Variants in TBL1XR1 observed in about 807,000 individuals in gnomAD.
TBL1XR1 encodes the protein TBL1X/Y related 1, also known as F-box-like/WD repeat-containing protein TBL1XR1.
Under a neutral mutation model 66.9 loss-of-function variants are expected in TBL1XR1, and 5 were observed. The ratio of observed to expected loss-of-function variants is 0.07; its 90% CI spans 0.04 to 0.16. The LOEUF (loss-of-function observed/expected upper bound fraction) is 0.16, where lower values mean the gene tolerates loss of function less well. Among genes scored for constraint, TBL1XR1 ranks in the 10% least tolerant of loss-of-function variants. The pLI is 1.00. For missense variants in TBL1XR1, 238 were observed against 623.2 expected (o/e 0.38, Z 6.58); for synonymous variants, 210 against 206.0 (o/e 1.02, Z -0.17).
rs375368882 is a variant in TBL1XR1 at position 177,025,450 on chromosome 3, T to C, written c.*48A>G. ...GTACATGGGTCAGGGACAGTCATTT[T>C]GGCTATGTACACATTCATAGTCGGT... On this transcript the variant is annotated 3_prime_UTR_variant, in exon 16 of 16. Coordinates refer to ENST00000457928, the MANE Select transcript of TBL1XR1 (RefSeq NM_024665.7). The C allele has an allele frequency of 4.4e-6, 7 of 1,604,890 alleles. No individual in the cohort carries two copies. Among genetic ancestry groups the C allele is most frequent in the African/African-American group, 1.3e-5 (1 of 74,742 alleles).
At chr3:177,079,502 T>C (rs1721134115) in intron 2 of TBL1XR1, 1 of 151,912 alleles carries the variant, frequency 6.6e-6, no homozygotes, top group African/African-American at 2.4e-5. Context: ...TGGACTTATT[T>C]GTAATTTTTT....
intron 7 of TBL1XR1, 26 bp from the exon 8 acceptor site, chr3:177,047,575 T>C: frequency 1.3e-6 from 2 of 1,597,026 alleles, no homozygotes; most frequent in Non-Finnish European, 1.7e-6. Flanking sequence ...ATTTCTTTAA[T>C]TATATAATCT....
At position 177,118,667 on chromosome 3, in the gene TBL1XR1, G is replaced by A. The variant is rs1726604311; in HGVS notation, c.-121-20126C>T. On this transcript the variant is annotated intron_variant, in intron 1 of 15. Coordinates refer to ENST00000457928, the MANE Select transcript of TBL1XR1 (RefSeq NM_024665.7). ...TTCATTTAATAACTAGTTACTGAATGTGTACTATTTGCCATGCTTCATTTC... is the reference window on the plus strand; with the variant it reads ...TTCATTTAATAACTAGTTACTGAATATGTACTATTTGCCATGCTTCATTTC... 2.0e-5 allele frequency among the ~76,000 whole-genome samples: 3 copies of A among 152,196 alleles called. No homozygotes were observed. In the South Asian group the frequency reaches 6.2e-4, roughly 32 times the overall value.
chr3:177,174,110 G>A (rs1182563337), intron 1 of TBL1XR1, among the ~76,000 whole-genome samples: 1 of 152,012 alleles, frequency 6.6e-6, no homozygotes, highest in Admixed American at 6.6e-5. Flanking sequence ...TTTATCCCTT[G>A]GTTAAGGTTA....
chr3:177,083,104 T>C, intron 2 of TBL1XR1, among the ~76,000 whole-genome samples: 1 of 151,798 alleles, frequency 6.6e-6, no homozygotes, highest in Non-Finnish European at 1.5e-5. Context: ...TTTTGAAAAA[T>C]AAATACAACA....
At chr3:177,028,731 T>C (rs1713513483) in intron 14 of TBL1XR1, among the ~76,000 whole-genome samples, 1 of 152,202 alleles carries the variant, frequency 6.6e-6, no homozygotes, top group Admixed American at 6.5e-5. Flanking sequence ...GTGTGCTCTG[T>C]TTTGGAAATA....
chr3:177,082,602 G>T (rs1326625520), intron 2 of TBL1XR1, among the ~76,000 whole-genome samples: 4 of 150,912 alleles, frequency 2.7e-5, no homozygotes, highest in Non-Finnish European at 4.4e-5. Context: ...CGTAACACTA[G>T]ATGTTACAGC....
chr3:177,131,234 CTTCA>C, intron 1 of TBL1XR1: 1 of 527,706 alleles, frequency 1.9e-6, no homozygotes, highest in Non-Finnish European at 2.4e-6. Flanking sequence ...ATGCCTAACT[CTTCA>C]TTCAAAGACA....
At chr3:177,034,081 GGA>G in intron 13 of TBL1XR1, 115 bp downstream of exon 13, 5 of 1,098,592 alleles carry the variant, frequency 4.6e-6, no homozygotes, top group Non-Finnish European at 6.4e-6. Context: ...TACTGAAATT[GGA>G]AAAAAAAAAA....
chr3:177,062,925 G>A (rs1718704536), intron 3 of TBL1XR1, among the ~76,000 whole-genome samples: 1 of 151,866 alleles, frequency 6.6e-6, no homozygotes, highest in Non-Finnish European at 1.5e-5. Context: ...ACCTAAGGTC[G>A]GGAGTTTGGG....
rs984014151 is a variant in TBL1XR1, at chr3:177,040,623, G to C, written c.926-2189C>G. On this transcript the variant is annotated intron_variant, in intron 10 of 15. Coordinates refer to ENST00000457928, the MANE Select transcript of TBL1XR1 (RefSeq NM_024665.7). ...GGACTCAGAAAGGAAATTTTAATCA[G>C]AACTATACTGAGATTTTTTTTTTTT... 2.0e-5 allele frequency among the ~76,000 whole-genome samples: 3 copies of C among 151,904 alleles called. No individual in the cohort carries two copies. The East Asian group carries it at 5.8e-4, about 29-fold the overall frequency.
intron 2 of TBL1XR1, among the ~76,000 whole-genome samples, chr3:177,069,351 T>A (rs1033245292): frequency 1.3e-5 from 2 of 152,120 alleles, no homozygotes; most frequent in African/African-American, 4.8e-5. Context: ...TAAGCTCATC[T>A]CATTAAGAAA....
chr3:177,064,813 C>A, intron 3 of TBL1XR1, 107 bp downstream of exon 3: 2 of 747,172 alleles, frequency 2.7e-6, no homozygotes, highest in Non-Finnish European at 4.3e-6. Flanking sequence ...ATTAAGAAAA[C>A]ATACAAAGTT....
chr3:177,037,435 G>A (rs1714952402), intron 12 of TBL1XR1: 1 of 152,162 alleles, frequency 6.6e-6, no homozygotes, highest in Admixed American at 6.6e-5. Flanking sequence ...TGTGTCTGAG[G>A]GTGTTCCCAG....
chr3:177,154,401 CT>C (rs34024632), intron 1 of TBL1XR1, among the ~76,000 whole-genome samples: 68,746 of 149,044 alleles, frequency 0.46, 17,334 homozygotes, highest in Non-Finnish European at 0.57. Context: ...AATTGACAAA[CT>C]TTTTTTTTTT....
chr3:177,076,758 G>A (rs1189311248), intron 2 of TBL1XR1, among the ~76,000 whole-genome samples: 1 of 152,138 alleles, frequency 6.6e-6, no homozygotes, highest in Non-Finnish European at 1.5e-5. Context: ...AACTATGATG[G>A]CATCAACACA....
At chr3:177,191,212 G>A (rs1278545826) in intron 1 of TBL1XR1, among the ~76,000 whole-genome samples, 4 of 152,178 alleles carry the variant, frequency 2.6e-5, no homozygotes, top group Non-Finnish European at 5.9e-5. Context: ...TTGGCAAAGA[G>A]AATCCATTAT....
chr3:177,031,060 C>A (rs745649102), intron 14 of TBL1XR1, among the ~76,000 whole-genome samples: 4 of 152,022 alleles, frequency 2.6e-5, no homozygotes, highest in African/African-American at 4.8e-5. Context: ...TGCAGTTAGC[C>A]GAGATCGTGC....
chr3:177,047,803 C>T (rs1280849659), intron 7 of TBL1XR1: 1 of 442,816 alleles, frequency 2.3e-6, no homozygotes, highest in African/African-American at 2.0e-5. Context: ...CCAGGATCTA[C>T]ATCACCCCAC....
Sources: gnomAD v4.1 joint callset for allele counts (sites outside exome capture counted in the v4.1 genomes callset) on GRCh38, gnomAD v4.1.1 for gene constraint, MANE v1.5 for transcripts, NCBI Gene and HGNC (gene_info 2026-07-23, HGNC 2026-07-21) for gene names.